The following LINGO2 variants were observed in gnomAD, a reference collection of about 807,000 sequenced individuals.
LINGO2 encodes leucine rich repeat and Ig domain containing 2.
In LINGO2, 14 loss-of-function variants were observed where a neutral mutation model predicts 30.6. That is an observed-to-expected ratio of 0.46 (90% CI 0.30 to 0.72). The LOEUF is 0.72. LINGO2 is among the 30% of genes least tolerant of loss of function. The pLI, the probability that LINGO2 is intolerant of heterozygous loss-of-function variation, is 0.07. For synonymous variants in LINGO2, 317 were observed against 288.5 expected (o/e 1.10, Z -1.00); for missense variants, 729 against 751.7 (o/e 0.97, Z 0.35).
At chr9:28,306,629 T>C (rs1336266894) in intron 3 of LINGO2, among the ~76,000 whole-genome samples, 5 of 152,146 alleles carry the variant, frequency 3.3e-5, no homozygotes, top group Admixed American at 6.5e-5. Flanking sequence ...AAAAAACTAA[T>C]GAATCCAGGA....
chr9:28,121,236 G>GT (rs34656987), intron 4 of LINGO2, among the ~76,000 whole-genome samples: 18,079 of 151,846 alleles, frequency 0.12, 1,145 homozygotes, highest in African/African-American at 0.16. Flanking sequence ...CAGTGCAGAG[G>GT]TTTTTTTTAC....
chr9:28,179,463 A>AC (rs1486421629), intron 4 of LINGO2, among the ~76,000 whole-genome samples: 3 of 137,720 alleles, frequency 2.2e-5, no homozygotes, highest in African/African-American at 5.3e-5. Context: ...ACTATAGTGT[A>AC]TATATACTAT....
chr9:28,812,934 T>A, the LINGO2 span, among the ~76,000 whole-genome samples: 1 of 152,212 alleles, frequency 6.6e-6, no homozygotes, highest in Non-Finnish European at 1.5e-5. Context: ...TCCTTCCAAT[T>A]CCACTATAAC....
the LINGO2 span, among the ~76,000 whole-genome samples, chr9:28,953,821 C>T: frequency 1.3e-5 from 2 of 151,892 alleles, no homozygotes; most frequent in African/African-American, 4.8e-5. Flanking sequence ...AATCTAAAAC[C>T]AAATCAAATA....
chr9:29,197,974 T>C, the LINGO2 span, among the ~76,000 whole-genome samples: 1 of 152,166 alleles, frequency 6.6e-6, no homozygotes. Context: ...TATTTGTGCA[T>C]AGTACCATAT....
intron 5 of LINGO2, among the ~76,000 whole-genome samples, chr9:28,004,690 G>T (rs1822172100): frequency 6.6e-6 from 1 of 152,070 alleles, no homozygotes; most frequent in African/African-American, 2.4e-5. Flanking sequence ...AAAGGCACCT[G>T]AACAAATTAA....
rs140016034 is a variant in LINGO2, at chr9:27,952,319, C to G, written c.-35-1613G>C. On this transcript the variant is annotated intron_variant, in intron 5 of 5. Transcript: ENST00000379992. ...AGAACTAATATGACAACTATTAAAC[C>G]CTATCAAGAATCAAAATAACTAAAA... 5.8e-3 allele frequency among the ~76,000 whole-genome samples: 881 copies of G among 151,750 alleles called. 9 individuals carry two copies. The highest frequency in any genetic ancestry group is 0.021 in the African/African-American group (850 of 41,424).
intron 5 of LINGO2, among the ~76,000 whole-genome samples, chr9:27,982,148 T>A (rs1043418602): frequency 1.2e-4 from 18 of 151,808 alleles, no homozygotes; most frequent in African/African-American, 4.1e-4. Flanking sequence ...TATAGGGATT[T>A]TATCTGAGCA....
the LINGO2 span, among the ~76,000 whole-genome samples, chr9:28,896,668 C>T: frequency 2.6e-5 from 4 of 151,980 alleles, no homozygotes; most frequent in African/African-American, 9.7e-5. Flanking sequence ...CAAAAAAATA[C>T]ACTGGTGGTG....
At chr9:28,267,888 T>C (rs1822810214) in intron 4 of LINGO2, among the ~76,000 whole-genome samples, 1 of 152,010 alleles carries the variant, frequency 6.6e-6, no homozygotes, top group Non-Finnish European at 1.5e-5. Flanking sequence ...GCTCAGGACA[T>C]GAGAAAGCTA....
At chr9:28,679,938 C>T in the LINGO2 span, among the ~76,000 whole-genome samples, 1 of 150,790 alleles carries the variant, frequency 6.6e-6, no homozygotes, top group Non-Finnish European at 1.5e-5. Flanking sequence ...ACATACTTAC[C>T]GTTTTTTTTT....
At chr9:28,585,342 G>A (rs952226194) in intron 1 of LINGO2, among the ~76,000 whole-genome samples, 1 of 151,882 alleles carries the variant, frequency 6.6e-6, no homozygotes, top group African/African-American at 2.4e-5. Flanking sequence ...TAGACTGAGG[G>A]TATGGTATAA....
intron 4 of LINGO2, among the ~76,000 whole-genome samples, chr9:28,060,127 CA>C (rs1825097224): frequency 6.6e-6 from 1 of 151,994 alleles, no homozygotes; most frequent in Non-Finnish European, 1.5e-5. Flanking sequence ...GAGCACTAGC[CA>C]AAATGAAAAC....
chr9:28,201,511 C>T (rs898454769), intron 4 of LINGO2, among the ~76,000 whole-genome samples: 23 of 150,298 alleles, frequency 1.5e-4, no homozygotes, highest in Admixed American at 2.7e-4. Context: ...CAAGTCTTTG[C>T]TATTGTGAAT....
the LINGO2 span, among the ~76,000 whole-genome samples, chr9:29,178,058 T>C: frequency 6.6e-6 from 1 of 151,976 alleles, no homozygotes; most frequent in Admixed American, 6.6e-5. Context: ...TTTATTTATT[T>C]ATTTATTTAT....
chr9:29,010,002 T>C, the LINGO2 span, among the ~76,000 whole-genome samples: 1 of 152,140 alleles, frequency 6.6e-6, no homozygotes, highest in Non-Finnish European at 1.5e-5. Flanking sequence ...ACTGGATGCC[T>C]TCCTTACACC....
At chr9:28,878,538 A>C in the LINGO2 span, among the ~76,000 whole-genome samples, 2 of 152,180 alleles carry the variant, frequency 1.3e-5, no homozygotes, top group African/African-American at 4.8e-5. Context: ...ACAACCAAAA[A>C]AGAGAATTTT....
At chr9:29,098,688 A>G in the LINGO2 span, among the ~76,000 whole-genome samples, 1 of 152,202 alleles carries the variant, frequency 6.6e-6, no homozygotes, top group African/African-American at 2.4e-5. Flanking sequence ...GTAAGAACTT[A>G]TAATTCATGA....
At chr9:28,140,607 C>A (rs575189603) in intron 4 of LINGO2, among the ~76,000 whole-genome samples, 1 of 152,340 alleles carries the variant, frequency 6.6e-6, no homozygotes, top group South Asian at 2.1e-4. Flanking sequence ...AATTCCTACG[C>A]ATGCCTTAAA....
Sources: gnomAD v4.1 joint callset for allele counts (sites outside exome capture counted in the v4.1 genomes callset) on GRCh38, gnomAD v4.1.1 for gene constraint, MANE v1.5 for transcripts, NCBI Gene and HGNC (gene_info 2026-07-23, HGNC 2026-07-21) for gene names.